PCCB: variants seen among roughly 807,000 people sequenced by gnomAD.
The protein encoded by PCCB is propionyl-CoA carboxylase beta chain, mitochondrial.
PCCB carries 43 observed loss-of-function variants against 60.7 expected under a neutral mutation model. The observed-to-expected ratio is 0.71, with a 90% CI of 0.55 to 0.91. The LOEUF is 0.91. Ranked by LOEUF, PCCB falls within the 40% of genes least tolerant of loss-of-function variation. The probability of loss-of-function intolerance (pLI) is 0.00; values close to 1 mark genes in which losing one functional copy is unlikely to be tolerated. For synonymous variants in PCCB, 276 were observed against 255.9 expected, an observed-to-expected ratio of 1.08 and a Z score of -0.75; for missense variants, 766 against 702.8, an observed-to-expected ratio of 1.09 and a Z score of -1.02.
intron 5 of PCCB, among the ~76,000 whole-genome samples, chr3:136,278,591 G>A (rs976039343): frequency 3.3e-5 from 5 of 152,004 alleles, no homozygotes; most frequent in African/African-American, 1.2e-4. Context: ...ATTTTTACGT[G>A]TTTGTGAATT....
chr3:136,311,939 A>G (rs1193079833), intron 9 of PCCB, among the ~76,000 whole-genome samples: 1 of 152,242 alleles, frequency 6.6e-6, no homozygotes, highest in Non-Finnish European at 1.5e-5. Flanking sequence ...AACTAGAACT[A>G]GATAAGTTTA....
intron 9 of PCCB, among the ~76,000 whole-genome samples, chr3:136,312,516 G>C (rs527888): frequency 0.37 from 56,024 of 152,076 alleles, 12,775 homozygotes; most frequent in East Asian, 0.81. Context: ...GCAAAAATTA[G>C]CTTTTAATAA....
At chr3:136,255,425 G>A in intron 1 of PCCB, 1 of 271,114 alleles carries the variant, frequency 3.7e-6, no homozygotes, top group East Asian at 9.9e-5. Flanking sequence ...GAGGTGAGGT[G>A]TGCTTCTGTA....
At chr3:136,272,898 G>A (rs1942237904) in intron 5 of PCCB, among the ~76,000 whole-genome samples, 1 of 151,972 alleles carries the variant, frequency 6.6e-6, no homozygotes, top group Non-Finnish European at 1.5e-5. Context: ...GGTTCATTGA[G>A]GTGAGACAGT....
At chr3:136,309,586 A>G (rs1934582095) in intron 9 of PCCB, among the ~76,000 whole-genome samples, 1 of 150,972 alleles carries the variant, frequency 6.6e-6, no homozygotes, top group Non-Finnish European at 1.5e-5. Flanking sequence ...GATCGCTTGA[A>G]GCCAGGAGTT....
intron 5 of PCCB, among the ~76,000 whole-genome samples, chr3:136,263,491 T>G (rs1480610545): frequency 6.6e-6 from 1 of 151,694 alleles, no homozygotes; most frequent in African/African-American, 2.4e-5. Context: ...AGGCTTATCT[T>G]GAACTTCTGG....
chr3:136,265,419 A>G (rs1010231156), intron 5 of PCCB, among the ~76,000 whole-genome samples: 3 of 152,160 alleles, frequency 2.0e-5, no homozygotes, highest in Non-Finnish European at 2.9e-5. Context: ...AAATTTTTCC[A>G]TCTGACTCCT....
At chr3:136,265,556 T>C (rs1941962356) in intron 5 of PCCB, among the ~76,000 whole-genome samples, 2 of 152,342 alleles carry the variant, frequency 1.3e-5, no homozygotes, top group African/African-American at 4.8e-5. Flanking sequence ...TTGAAGGATA[T>C]TTGGATTGTT....
chr3:136,294,073 C>G (rs1167206704), intron 7 of PCCB, among the ~76,000 whole-genome samples: 1 of 152,130 alleles, frequency 6.6e-6, no homozygotes, highest in Non-Finnish European at 1.5e-5. Flanking sequence ...TATTAAATAA[C>G]ACGCTATTAG....
chr3:136,264,047 T>C (rs1941901285), intron 5 of PCCB, among the ~76,000 whole-genome samples: 1 of 151,698 alleles, frequency 6.6e-6, no homozygotes, highest in Admixed American at 6.6e-5. Context: ...CACAGAAAAA[T>C]GACAAGAATA....
At chr3:136,282,339 G>A (rs1942498072) in intron 5 of PCCB, among the ~76,000 whole-genome samples, 1 of 152,182 alleles carries the variant, frequency 6.6e-6, no homozygotes, top group South Asian at 2.1e-4. Context: ...CTGAATAGTT[G>A]TTTTGATCTC....
At position 136,321,568 on chromosome 3, in the gene PCCB, C is replaced by T. The variant is rs1935111652; in HGVS notation, c.1090+4504C>T. ...CCAGATGTTTATAAAACCATCAGAT[C>T]TCATGAGAACTCACACACTATCACG... is the stretch of plus-strand genomic sequence containing the variant. On this transcript the variant is annotated intron_variant, in intron 10 of 14. Coordinates refer to ENST00000251654, the MANE Select transcript of PCCB (RefSeq NM_000532.5). 2.0e-5 allele frequency among the ~76,000 whole-genome samples: 3 copies of T among 152,168 alleles called. No individual in the cohort carries two copies. The South Asian group carries it at 6.2e-4, about 32-fold the overall frequency.
intron 1 of PCCB, among the ~76,000 whole-genome samples, chr3:136,253,451 C>T (rs953261685): frequency 6.6e-6 from 1 of 151,582 alleles, no homozygotes; most frequent in African/African-American, 2.4e-5. Context: ...GTGGAGTGAT[C>T]GTGGCTCACT....
intron 9 of PCCB, among the ~76,000 whole-genome samples, chr3:136,312,930 A>C (rs1934725786): frequency 6.6e-6 from 1 of 152,240 alleles, no homozygotes; most frequent in African/African-American, 2.4e-5. Context: ...AAAAGTGGGC[A>C]AAAAACCACG....
chr3:136,269,458 T>A (rs1363695620), intron 5 of PCCB, among the ~76,000 whole-genome samples: 1 of 152,200 alleles, frequency 6.6e-6, no homozygotes, highest in African/African-American at 2.4e-5. Flanking sequence ...GGATTTTCTA[T>A]ATACACAATC....
intron 9 of PCCB, among the ~76,000 whole-genome samples, chr3:136,313,094 C>A (rs777838979): frequency 6.6e-6 from 1 of 152,198 alleles, no homozygotes; most frequent in South Asian, 2.1e-4. Context: ...AAAACACTTT[C>A]CATTGGAAAG....
At chr3:136,276,758 A>G (rs1426133088) in intron 5 of PCCB, among the ~76,000 whole-genome samples, 1 of 152,162 alleles carries the variant, frequency 6.6e-6, no homozygotes, top group East Asian at 1.9e-4. Context: ...ATGAGCAGCA[A>G]AGCTGCCTGA....
intron 9 of PCCB, among the ~76,000 whole-genome samples, chr3:136,303,735 C>T (rs1348729095): frequency 8.2e-6 from 1 of 121,552 alleles, no homozygotes; most frequent in African/African-American, 2.5e-5. Flanking sequence ...TCCCAAGTAG[C>T]TGGGATTACA....
chr3:136,323,910 AT>A (rs1303510467), intron 10 of PCCB, among the ~76,000 whole-genome samples: 2 of 148,952 alleles, frequency 1.3e-5, no homozygotes, highest in African/African-American at 4.9e-5. Flanking sequence ...ATACCTTGTG[AT>A]TTTTTTAATT....
Sources: gnomAD v4.1 joint callset for allele counts (sites outside exome capture counted in the v4.1 genomes callset) on GRCh38, gnomAD v4.1.1 for gene constraint, MANE v1.5 for transcripts, NCBI Gene and HGNC (gene_info 2026-07-23, HGNC 2026-07-21) for gene names.